The following PLEKHD1 variants were observed in gnomAD, a reference collection of about 807,000 sequenced individuals.
PLEKHD1 encodes pleckstrin homology domain-containing family D member 1.
In PLEKHD1, 51 loss-of-function variants were observed where a neutral mutation model predicts 69.2. That is an observed-to-expected ratio of 0.74 (90% CI 0.59 to 0.93). PLEKHD1 has a LOEUF of 0.93. Ranked by LOEUF, PLEKHD1 falls within the 40% of genes least tolerant of loss-of-function variation. The pLI is 0.00. For missense variants in PLEKHD1, 584 were observed against 641.0 expected (o/e 0.91, Z 0.96); for synonymous variants, 236 against 244.7 (o/e 0.96, Z 0.33).
intron 1 of PLEKHD1, among the ~76,000 whole-genome samples, chr14:69,496,513 A>G (rs1341784485): frequency 3.3e-5 from 5 of 151,924 alleles, no homozygotes; most frequent in African/African-American, 1.2e-4. Context: ...GAGGAAAAAG[A>G]GGGTGAAAGA....
intron 1 of PLEKHD1, among the ~76,000 whole-genome samples, chr14:69,485,395 G>A (rs1433828254): frequency 6.6e-6 from 1 of 152,204 alleles, no homozygotes; most frequent in Non-Finnish European, 1.5e-5. Flanking sequence ...ACCGTGGTCG[G>A]GGTGGGATCC....
intron 6 of PLEKHD1, among the ~76,000 whole-genome samples, chr14:69,509,769 C>T (rs539643731): frequency 2.0e-5 from 3 of 152,202 alleles, no homozygotes; most frequent in Admixed American, 1.3e-4. Flanking sequence ...GAAACCCTGC[C>T]TCTACTAAAA....
chr14:69,506,470 G>T (rs1323568784), intron 6 of PLEKHD1, among the ~76,000 whole-genome samples: 7 of 152,202 alleles, frequency 4.6e-5, no homozygotes, highest in Admixed American at 2.6e-4. Flanking sequence ...GCATTCTCAG[G>T]CTACACTTGG....
At chr14:69,526,950 A>G in intron 10 of PLEKHD1, 121 bp downstream of exon 10, 1 of 1,376,560 alleles carries the variant, frequency 7.3e-7, no homozygotes, top group African/African-American at 1.5e-5. Flanking sequence ...ACAGCCAGGC[A>G]TGGGGGATGG....
rs1166429791 is a variant in PLEKHD1, at chr14:69,489,558, CAAAAAA to C, written c.149+4462_149+4467del. Among the ~76,000 whole-genome samples, 365 of 59,890 alleles carry C rather than the reference CAAAAAA, an allele frequency of 6.1e-3. 6 individuals are homozygous for C. In the East Asian group the frequency reaches 0.12, roughly 19 times the overall value. The allele number at this position is 59,890 out of a possible 152,430, so 39.3% of individuals were successfully genotyped here. ...TGAGGGACAGAGTGATACTCCATCTCAAAAAAAAAAAAAAAAAAAAAAAGGAAAAAA... is the reference window on the plus strand; with the variant it reads ...TGAGGGACAGAGTGATACTCCATCTCAAAAAAAAAAAAAAAAAGGAAAAAA... On this transcript the variant is annotated intron_variant, in intron 1 of 12. Transcript: ENST00000322564.
Position 69,522,287 on chromosome 14 carries a change from T to C in PLEKHD1, c.560T>C (p.Leu187Pro). ...LCLQREQREE[L>P]ERLNQVLEAE... ...CTTCCTCTCTGGTCTCTTCAGGAGC[T>C]TGAGCGCCTTAACCAGGTGCTGGAG... Residue 187 changes from leucine (L) to proline (P), a missense_variant, in exon 7 of 13, where the codon CTT becomes CCT. Leu to Pro is a moderately conservative substitution (Grantham distance 98). Coordinates refer to ENST00000322564, the MANE Select transcript of PLEKHD1 (RefSeq NM_001161498.2). 2 of 1,551,414 alleles carry C rather than the reference T, an allele frequency of 1.3e-6. No individual in the cohort carries two copies. The highest frequency in any genetic ancestry group is 8.7e-7 in the Non-Finnish European group (1 of 1,146,824).
chr14:69,488,748 A>G (rs1039259319), intron 1 of PLEKHD1, among the ~76,000 whole-genome samples: 1 of 152,200 alleles, frequency 6.6e-6, no homozygotes, highest in Non-Finnish European at 1.5e-5. Context: ...CAGAAAAAAA[A>G]GTGACCAAAT....
At chr14:69,468,197 T>A in the PLEKHD1 span, among the ~76,000 whole-genome samples, 8 of 152,214 alleles carry the variant, frequency 5.3e-5, no homozygotes, top group African/African-American at 1.9e-4. Flanking sequence ...TATCCAGTGT[T>A]CAGAGCCGTG....
the PLEKHD1 span, among the ~76,000 whole-genome samples, chr14:69,475,237 T>C: frequency 6.6e-6 from 1 of 152,230 alleles, no homozygotes; most frequent in East Asian, 1.9e-4. Flanking sequence ...TATGGGCTTA[T>C]TGGCCAGACT....
At chr14:69,473,123 T>G in the PLEKHD1 span, among the ~76,000 whole-genome samples, 4 of 152,160 alleles carry the variant, frequency 2.6e-5, no homozygotes, top group Non-Finnish European at 5.9e-5. Context: ...TCATTATATA[T>G]TACAATGTAA....
At chr14:69,487,750 G>A (rs998409530) in intron 1 of PLEKHD1, among the ~76,000 whole-genome samples, 1 of 152,208 alleles carries the variant, frequency 6.6e-6, no homozygotes, top group African/African-American at 2.4e-5. Flanking sequence ...TGTCTAGAAG[G>A]GAAGGCTGTT....
Position 69,500,155 on chromosome 14 carries a change from G to A in PLEKHD1, c.190G>A (p.Glu64Lys), listed in dbSNP as rs1210188736. 2.1e-5 allele frequency: 33 copies of A among 1,550,744 alleles called. 1 individual carries two copies. Among genetic ancestry groups the A allele is most frequent in the Non-Finnish European group, 2.6e-5 (30 of 1,146,378 alleles). Reference sequence around the variant, plus strand: ...AGAGAGCTTTCTGCTTTACTACTCTGAGAGCGAAAAAAAGAGCTTTGAAAC... The same window carrying A: ...AGAGAGCTTTCTGCTTTACTACTCTAAGAGCGAAAAAAAGAGCTTTGAAAC... ...IKESFLLYYS[E>K]SEKKSFETNK... is the part of the protein sequence containing the mutation. Residue 64 changes from glutamate to lysine, a missense_variant, in exon 2 of 13, where the codon GAG (glutamate) becomes AAG (lysine). By Grantham distance (56) the Glu-to-Lys change is moderately conservative. Transcript: ENST00000322564.
At chr14:69,515,342 C>T (rs188286873) in intron 6 of PLEKHD1, among the ~76,000 whole-genome samples, 247 of 152,226 alleles carry the variant, frequency 1.6e-3, no homozygotes, top group Non-Finnish European at 3.1e-3. Context: ...TAAGATTGGC[C>T]CCCCCTGGAG....
chr14:69,496,046 A>G (rs1416895152), intron 1 of PLEKHD1, among the ~76,000 whole-genome samples: 1 of 152,218 alleles, frequency 6.6e-6, no homozygotes, highest in Admixed American at 6.5e-5. Flanking sequence ...TTGCTGAATC[A>G]ATGGAGGAAT....
chr14:69,471,403 G>A, the PLEKHD1 span, among the ~76,000 whole-genome samples: 2 of 152,078 alleles, frequency 1.3e-5, no homozygotes, highest in South Asian at 2.1e-4. Context: ...GAGCCACCAC[G>A]CCTGGCTCAT....
chr14:69,521,948 A>G (rs1883524367), intron 6 of PLEKHD1, among the ~76,000 whole-genome samples: 2 of 152,186 alleles, frequency 1.3e-5, no homozygotes, highest in Admixed American at 6.5e-5. Context: ...AACCCGCCTG[A>G]TGGTGGCAGT....
intron 6 of PLEKHD1, among the ~76,000 whole-genome samples, chr14:69,509,232 A>G (rs1056809778): frequency 6.6e-6 from 1 of 152,074 alleles, no homozygotes; most frequent in Non-Finnish European, 1.5e-5. Flanking sequence ...GTTGAGCTTC[A>G]TGAGTTCTTT....
chr14:69,488,036 C>T (rs946732722), intron 1 of PLEKHD1, among the ~76,000 whole-genome samples: 4 of 152,222 alleles, frequency 2.6e-5, no homozygotes, highest in Non-Finnish European at 4.4e-5. Flanking sequence ...ATCCTCCTCA[C>T]CCCTTCTCCT....
intron 4 of PLEKHD1, 72 bp downstream of exon 4, chr14:69,501,019 T>G: frequency 7.0e-7 from 1 of 1,418,544 alleles, no homozygotes. Flanking sequence ...CTGAACTCCC[T>G]GCCTCTCTGC....
Sources: allele counts gnomAD v4.1 joint callset (sites outside exome capture counted in the v4.1 genomes callset), GRCh38; gene constraint gnomAD v4.1.1; transcripts MANE v1.5; gene names NCBI Gene and HGNC (gene_info 2026-07-23, HGNC 2026-07-21).